OLFM2: variants seen among roughly 807,000 people sequenced by gnomAD.
The protein encoded by OLFM2 is olfactomedin 2, also known as noelin-2.
OLFM2 carries 20 observed loss-of-function variants against 43.9 expected under a neutral mutation model. The observed-to-expected ratio is 0.46, with a 90% CI of 0.32 to 0.66. The LOEUF is 0.66. Ranked by LOEUF, OLFM2 falls within the 30% of genes least tolerant of loss-of-function variation. The pLI is 0.04. For missense variants in OLFM2, 416 were observed against 643.6 expected, an observed-to-expected ratio of 0.65 and a Z score of 3.83; for synonymous variants, 268 against 278.6, an observed-to-expected ratio of 0.96 and a Z score of 0.38.
intron 1 of OLFM2, among the ~76,000 whole-genome samples, chr19:9,892,793 T>C (rs1456573959): frequency 6.6e-6 from 1 of 152,192 alleles, no homozygotes; most frequent in Admixed American, 6.5e-5. Context: ...CTCGACAGTT[T>C]GGGTGACGCG....
In OLFM2 at chr19:9,880,835, C is replaced by A. The variant is rs2046533624; in HGVS notation, c.64-20041G>T. ...TGACAGCAGACCTAGTAAACAAACA[C>A]ACATTTCTGCAGCTTTGGCGCTCTC... is the stretch of plus-strand genomic sequence containing the variant. On this transcript the variant is annotated intron_variant, in intron 1 of 5. Coordinates refer to ENST00000264833, the MANE Select transcript of OLFM2 (RefSeq NM_058164.4). Among the ~76,000 whole-genome samples, 6 of 152,130 alleles carry A rather than the reference C, an allele frequency of 3.9e-5. No homozygotes were observed. The South Asian group carries it at 1.2e-3, about 31-fold the overall frequency.
intron 1 of OLFM2, among the ~76,000 whole-genome samples, chr19:9,865,483 T>C (rs1335843738): frequency 7.7e-6 from 1 of 130,266 alleles, no homozygotes; most frequent in African/African-American, 3.0e-5. Flanking sequence ...TCTCTGTTTT[T>C]TCTTTTTTTT....
chr19:9,923,398 T>C (rs2086432346), intron 1 of OLFM2, among the ~76,000 whole-genome samples: 1 of 151,182 alleles, frequency 6.6e-6, no homozygotes, highest in South Asian at 2.1e-4. Context: ...CTACTAAAAA[T>C]ACAAAAATTA....
intron 1 of OLFM2, among the ~76,000 whole-genome samples, chr19:9,878,311 C>T (rs554875522): frequency 6.6e-6 from 1 of 151,230 alleles, no homozygotes; most frequent in Non-Finnish European, 1.5e-5. Flanking sequence ...GCTGGACCAT[C>T]TGAGCTTCAA....
intron 1 of OLFM2, among the ~76,000 whole-genome samples, chr19:9,865,818 A>T (rs1438046738): frequency 2.5e-4 from 22 of 89,504 alleles, no homozygotes; most frequent in African/African-American, 1.0e-3. Context: ...TCTCATTCTT[A>T]AAAAAAAAAA....
chr19:9,927,305 GAATA>G (rs2086459738), intron 1 of OLFM2, among the ~76,000 whole-genome samples: 1 of 151,968 alleles, frequency 6.6e-6, no homozygotes, highest in South Asian at 2.1e-4. Context: ...ATAAATAAAT[GAATA>G]AATAAATTCT....
chr19:9,896,769 A>G (rs1410196309), intron 1 of OLFM2, among the ~76,000 whole-genome samples: 1 of 152,210 alleles, frequency 6.6e-6, no homozygotes, highest in Non-Finnish European at 1.5e-5. Context: ...GCTGTTAATC[A>G]CAGCTGCCAA....
At chr19:9,870,596 A>G (rs2046434318) in intron 1 of OLFM2, among the ~76,000 whole-genome samples, 1 of 152,078 alleles carries the variant, frequency 6.6e-6, no homozygotes, top group Admixed American at 6.6e-5. Flanking sequence ...TTCCCTTCCC[A>G]GGTCACAGGA....
intron 1 of OLFM2, among the ~76,000 whole-genome samples, chr19:9,922,884 C>G (rs553368292): frequency 1.4e-5 from 2 of 146,196 alleles, no homozygotes; most frequent in Admixed American, 6.9e-5. Context: ...GCACTCCAGC[C>G]TGGGTGACAG....
chr19:9,870,736 A>C (rs938709763), intron 1 of OLFM2, among the ~76,000 whole-genome samples: 3 of 151,514 alleles, frequency 2.0e-5, no homozygotes, highest in Admixed American at 1.3e-4. Flanking sequence ...TTCCAAAAGC[A>C]GTCTTGGTGG....
chr19:9,873,212 G>A (rs765585825), intron 1 of OLFM2, among the ~76,000 whole-genome samples: 1 of 151,948 alleles, frequency 6.6e-6, no homozygotes, highest in Non-Finnish European at 1.5e-5. Flanking sequence ...GTGTAATCAC[G>A]GCGCGATCAC....
At chr19:9,898,052 A>G (rs2046701319) in intron 1 of OLFM2, among the ~76,000 whole-genome samples, 1 of 147,362 alleles carries the variant, frequency 6.8e-6, no homozygotes, top group African/African-American at 2.5e-5. Flanking sequence ...CTATAGATGC[A>G]TGCTACTGTG....
chr19:9,883,684 C>T (rs761499532), intron 1 of OLFM2, among the ~76,000 whole-genome samples: 31 of 152,128 alleles, frequency 2.0e-4, no homozygotes, highest in Non-Finnish European at 3.2e-4. Flanking sequence ...CGGCTGAGCA[C>T]GCACTTCAGT....
intron 1 of OLFM2, among the ~76,000 whole-genome samples, chr19:9,861,682 G>A (rs1599466449): frequency 6.6e-6 from 1 of 152,230 alleles, no homozygotes; most frequent in Admixed American, 6.5e-5. Context: ...GGTGAAACAA[G>A]TTTTGTTACT....
At chr19:9,882,545 AGAATT>A (rs2046548301) in intron 1 of OLFM2, among the ~76,000 whole-genome samples, 2 of 150,966 alleles carry the variant, frequency 1.3e-5, no homozygotes, top group Non-Finnish European at 3.0e-5. Flanking sequence ...CTCAAAAAAA[AGAATT>A]AAATACATGA....
chr19:9,894,014 G>A (rs941326999), intron 1 of OLFM2, among the ~76,000 whole-genome samples: 5 of 152,008 alleles, frequency 3.3e-5, no homozygotes, highest in Non-Finnish European at 7.4e-5. Flanking sequence ...TTTCTTGGTC[G>A]GGCATGGTGG....
At chr19:9,860,833 A>C in intron 1 of OLFM2, 39 bp from the exon 2 acceptor site, 1 of 1,579,336 alleles carries the variant, frequency 6.3e-7, no homozygotes, top group Non-Finnish European at 8.6e-7. Flanking sequence ...AATCCCAGTG[A>C]GGGTCTCGCC....
intron 1 of OLFM2, among the ~76,000 whole-genome samples, chr19:9,892,026 A>G (rs758810419): frequency 3.3e-5 from 5 of 152,094 alleles, no homozygotes; most frequent in Non-Finnish European, 5.9e-5. Flanking sequence ...GGAGTCGGGC[A>G]CTATTGCAGA....
chr19:9,886,499 A>T (rs2046588154), intron 1 of OLFM2, among the ~76,000 whole-genome samples: 1 of 151,876 alleles, frequency 6.6e-6, no homozygotes, highest in Non-Finnish European at 1.5e-5. Flanking sequence ...GGGCCCTAAG[A>T]GGGTATTTAT....
Sources: gnomAD v4.1 joint callset for allele counts (sites outside exome capture counted in the v4.1 genomes callset) on GRCh38, gnomAD v4.1.1 for gene constraint, MANE v1.5 for transcripts, NCBI Gene and HGNC (gene_info 2026-07-23, HGNC 2026-07-21) for gene names.